Variants in GBP2 observed in about 807,000 individuals in gnomAD.
The protein encoded by GBP2 is guanylate binding protein 2.
Under a neutral mutation model 60.8 loss-of-function variants are expected in GBP2, and 54 were observed. That is an observed-to-expected ratio of 0.89 (90% CI 0.71 to 1.11). GBP2 has a LOEUF of 1.11. Among genes scored for constraint, GBP2 ranks in the 50% most tolerant of loss-of-function variants. The pLI is 0.00. For missense variants in GBP2, 665 were observed against 703.3 expected, an observed-to-expected ratio of 0.95 and a Z score of 0.62; for synonymous variants, 243 against 256.5, an observed-to-expected ratio of 0.95 and a Z score of 0.50.
At position 89,114,167 on chromosome 1, in the gene GBP2, T is replaced by C. The variant is rs1681222304; in HGVS notation, c.998A>G (p.Tyr333Cys). ...SAAVEKAIAH[Y>C]EQQMGQKVQL... ...CACCTTCTGGCCCATCTGCTGTTCA[T>C]AGTGGGCAATAGCCTTTTCCACTGC... is the stretch of plus-strand genomic sequence containing the variant. The change falls in exon 7 of 11, where the codon TAT becomes TGT. Residue 333 changes from tyrosine (Y) to cysteine (C), a missense_variant. Tyr to Cys is a radical substitution (Grantham distance 194). Transcript: ENST00000370466. The C allele has an allele frequency of 6.2e-7, 1 of 1,614,234 alleles. No individual in the cohort carries two copies. The highest frequency in any genetic ancestry group is 8.5e-7 in the Non-Finnish European group (1 of 1,180,040).
chr1:89,109,353 A>C (rs1412438167), intron 10 of GBP2, among the ~76,000 whole-genome samples: 4 of 152,222 alleles, frequency 2.6e-5, no homozygotes, highest in Non-Finnish European at 5.9e-5. Flanking sequence ...TGCTCATGAG[A>C]TTATAATTAC....
At chr1:89,113,277 A>G (rs1681200557) in intron 7 of GBP2, among the ~76,000 whole-genome samples, 1 of 152,240 alleles carries the variant, frequency 6.6e-6, no homozygotes, top group East Asian at 1.9e-4. Context: ...AATGAAAGTA[A>G]TGAAGATTGT....
chr1:89,124,438 T>C (rs936837465), intron 1 of GBP2, among the ~76,000 whole-genome samples: 1 of 152,232 alleles, frequency 6.6e-6, no homozygotes, highest in African/African-American at 2.4e-5. Context: ...AAATTTTCTT[T>C]GGAAACTTTT....
rs141449038 is a variant in GBP2, at chr1:89,120,210, T to C, written c.397A>G (p.Thr133Ala). The change falls in exon 4 of 11, where the codon ACC (threonine) becomes GCC (alanine). Residue 133 changes from threonine (T) to alanine (A), a missense_variant. Physicochemically the swap from Thr to Ala is moderately conservative, Grantham distance 58 (BLOSUM62 0). Transcript: ENST00000370466. Reference protein sequence around the residue: ...SSTFVYNSMGTINQQAMDQLH... With the variant: ...SSTFVYNSMGAINQQAMDQLH... ...TGGTCCATGGCCTGCTGGTTGATGG[T>C]TCCCATGCTATTGTACACGAAGGTG... 8 of 1,613,882 alleles carry C rather than the reference T, an allele frequency of 5.0e-6. No individual in the cohort carries two copies. The Admixed American group carries it at 6.7e-5, about 13-fold the overall frequency.
Sources: allele counts gnomAD v4.1 joint callset (sites outside exome capture counted in the v4.1 genomes callset), GRCh38; gene constraint gnomAD v4.1.1; transcripts MANE v1.5; gene names NCBI Gene and HGNC (gene_info 2026-07-23, HGNC 2026-07-21).